ARNT2: variants seen among roughly 807,000 people sequenced by gnomAD.
ARNT2 encodes the protein aryl hydrocarbon receptor nuclear translocator 2, also known as ARNT protein 2.
In ARNT2, 36 loss-of-function variants were observed where a neutral mutation model predicts 91.7. The ratio of observed to expected loss-of-function variants is 0.39; its 90% CI spans 0.30 to 0.52. The LOEUF (loss-of-function observed/expected upper bound fraction) is 0.52. Ranked by LOEUF, ARNT2 falls within the 20% of genes least tolerant of loss-of-function variation. The pLI, the probability that ARNT2 is intolerant of heterozygous loss-of-function variation, is 0.72. For synonymous variants in ARNT2, 365 were observed against 347.1 expected (o/e 1.05, Z -0.57); for missense variants, 775 against 939.3 (o/e 0.83, Z 2.29).
chr15:80,499,008 G>T (rs893419939), intron 5 of ARNT2, among the ~76,000 whole-genome samples: 6 of 152,200 alleles, frequency 3.9e-5, no homozygotes, highest in African/African-American at 1.4e-4. Context: ...AACCGTAACT[G>T]GTTACTTAGT....
At chr15:80,508,359 A>G in intron 6 of ARNT2, 101 bp downstream of exon 6, 1 of 1,106,952 alleles carries the variant, frequency 9.0e-7, no homozygotes, top group East Asian at 2.4e-5. Flanking sequence ...ACACATGCCA[A>G]CGTGGGTTCA....
At chr15:80,495,201 G>A (rs1217606183) in intron 5 of ARNT2, among the ~76,000 whole-genome samples, 1 of 152,176 alleles carries the variant, frequency 6.6e-6, no homozygotes, top group Non-Finnish European at 1.5e-5. Flanking sequence ...CCCAGAGGGG[G>A]ATGGTTCCCA....
intron 8 of ARNT2, among the ~76,000 whole-genome samples, chr15:80,530,463 G>A (rs948962794): frequency 2.6e-5 from 4 of 152,132 alleles, no homozygotes; most frequent in African/African-American, 7.2e-5. Flanking sequence ...CTTGTAGGTT[G>A]GTCTTGCTGG....
intron 1 of ARNT2, among the ~76,000 whole-genome samples, chr15:80,405,359 C>CTT (rs917095878): frequency 1.2e-4 from 18 of 152,098 alleles, no homozygotes; most frequent in African/African-American, 3.9e-4. Flanking sequence ...CTAGTACAAA[C>CTT]TTTTGGGTGT....
intron 5 of ARNT2, among the ~76,000 whole-genome samples, chr15:80,490,519 G>T (rs1897040208): frequency 6.6e-6 from 1 of 152,224 alleles, no homozygotes; most frequent in African/African-American, 2.4e-5. Flanking sequence ...AAGCCTGTTG[G>T]TGGAGCTGGC....
intron 10 of ARNT2, among the ~76,000 whole-genome samples, chr15:80,553,733 C>CT (rs1898125856): frequency 6.6e-6 from 1 of 150,960 alleles, no homozygotes; most frequent in Admixed American, 6.6e-5. Flanking sequence ...AAATAAAAAG[C>CT]TTTTTTATAA....
In ARNT2 at chr15:80,596,083, G is replaced by A. The variant is rs1479212707; in HGVS notation, c.*2385G>A. On this transcript the variant is annotated 3_prime_UTR_variant, in exon 19 of 19. Transcript: ENST00000303329. ...AGACCCAGGTGAACACGCTGACTGT[G>A]AACCTGCCCTGTATCCGGAGCTGTG... 3.9e-5 allele frequency: 6 copies of A among 152,182 alleles called. No individual in the cohort carries two copies. Among genetic ancestry groups the A allele is most frequent in the African/African-American group, 1.4e-4 (6 of 41,422 alleles). 9.4% of individuals were successfully genotyped at this position (152,182 alleles called of 1,614,324 possible). A position where few individuals can be genotyped will look rare whatever the true frequency, so the allele number is the denominator to read the frequency against.
rs147977821 is a variant in ARNT2 at position 80,543,788 on chromosome 15, T to G, written c.878-7411T>G. Among the ~76,000 whole-genome samples, 869 of 152,356 alleles carry G rather than the reference T, an allele frequency of 5.7e-3. 13 individuals are homozygous for G. The highest frequency in any genetic ancestry group is 0.019 in the African/African-American group (802 of 41,576). On this transcript the variant is annotated intron_variant, in intron 8 of 18. Coordinates refer to ENST00000303329, the MANE Select transcript of ARNT2 (RefSeq NM_014862.4). ...TTTATTTTTGAGCAGAGTCTCACTTTGTTGTACATTGGCCTGATCTCGGCT... is the reference window on the plus strand; with the variant it reads ...TTTATTTTTGAGCAGAGTCTCACTTGGTTGTACATTGGCCTGATCTCGGCT...
At chr15:80,531,539 C>T (rs1897740414) in intron 8 of ARNT2, among the ~76,000 whole-genome samples, 1 of 152,226 alleles carries the variant, frequency 6.6e-6, no homozygotes, top group Non-Finnish European at 1.5e-5. Flanking sequence ...GGAAGCTCTC[C>T]CTTCCGACAT....
chr15:80,464,328 G>T (rs1010777770), intron 3 of ARNT2, among the ~76,000 whole-genome samples: 12 of 151,970 alleles, frequency 7.9e-5, no homozygotes, highest in Admixed American at 6.6e-4. Flanking sequence ...CTGGGGGTGG[G>T]GGGTTGCAAG....
chr15:80,579,882 C>T (rs1422610096), intron 15 of ARNT2: 1 of 156,164 alleles, frequency 6.4e-6, no homozygotes. Context: ...GAGGGGTAAA[C>T]TCTGGGTAGC....
intron 1 of ARNT2, among the ~76,000 whole-genome samples, chr15:80,418,604 G>C (rs1895818967): frequency 6.6e-6 from 1 of 152,196 alleles, no homozygotes; most frequent in Non-Finnish European, 1.5e-5. Flanking sequence ...CCCCTCCCAT[G>C]CTCTGGACTG....
chr15:80,495,634 T>C (rs1016235033), intron 5 of ARNT2, among the ~76,000 whole-genome samples: 4 of 152,220 alleles, frequency 2.6e-5, no homozygotes, highest in Non-Finnish European at 4.4e-5. Context: ...CTTTTCTGCC[T>C]GTGTGACAGA....
rs1179271163 is a variant in ARNT2 at position 80,535,931 on chromosome 15, T to C, written c.878-15268T>C. Among the ~76,000 whole-genome samples, 5 of 152,214 alleles carry C rather than the reference T, an allele frequency of 3.3e-5. No individual in the cohort carries two copies. In the South Asian group the frequency reaches 8.3e-4, roughly 25 times the overall value. On this transcript the variant is annotated intron_variant, in intron 8 of 18. Coordinates refer to ENST00000303329, the MANE Select transcript of ARNT2 (RefSeq NM_014862.4). ...TGTTTGTTTTTCAGTTATTTTTATG[T>C]CTTTTTATGTAAGGATTTGCTGTCC...
In ARNT2 at chr15:80,594,000, T is replaced by C; in HGVS notation, c.*302T>C. 1 of 321,106 alleles carries C rather than the reference T, an allele frequency of 3.1e-6. No individual in the cohort carries two copies. Among genetic ancestry groups the C allele is most frequent in the Non-Finnish European group, 5.7e-6 (1 of 174,280 alleles). 19.9% of individuals were successfully genotyped at this position (321,106 alleles called of 1,614,324 possible). ...CTTAAGTTTGGTTGTGAATAATCTC[T>C]TGATAGACAATTTATACCCATGAAA... On this transcript the variant is annotated 3_prime_UTR_variant, in exon 19 of 19. Transcript: ENST00000303329.
intron 1 of ARNT2, among the ~76,000 whole-genome samples, chr15:80,443,602 A>G (rs1266855900): frequency 6.6e-6 from 1 of 152,180 alleles, no homozygotes; most frequent in Non-Finnish European, 1.5e-5. Flanking sequence ...AGGAGGACAC[A>G]TATGATAGGA....
intron 8 of ARNT2, among the ~76,000 whole-genome samples, chr15:80,532,954 G>A (rs1897761968): frequency 6.6e-6 from 1 of 152,226 alleles, no homozygotes; most frequent in South Asian, 2.1e-4. Context: ...AGGAAGAAGA[G>A]GAGAGAGTGG....
At chr15:80,466,661 C>T (rs760625709) in intron 3 of ARNT2, among the ~76,000 whole-genome samples, 5 of 152,172 alleles carry the variant, frequency 3.3e-5, no homozygotes, top group African/African-American at 9.7e-5. Context: ...GCATCATCCC[C>T]GCTGCCTTGA....
chr15:80,517,803 T>C (rs1897464898), intron 8 of ARNT2, among the ~76,000 whole-genome samples: 1 of 152,202 alleles, frequency 6.6e-6, no homozygotes, highest in Admixed American at 6.5e-5. Context: ...AAAGGCCTTC[T>C]TCATTTCCAT....
Sources: gnomAD v4.1 joint callset for allele counts (sites outside exome capture counted in the v4.1 genomes callset) on GRCh38, gnomAD v4.1.1 for gene constraint, MANE v1.5 for transcripts, NCBI Gene and HGNC (gene_info 2026-07-23, HGNC 2026-07-21) for gene names.